PCDHGA3: variants seen among roughly 807,000 people sequenced by gnomAD.
The protein encoded by PCDHGA3 is protocadherin gamma subfamily A, 3, also known as protocadherin gamma-A3.
In PCDHGA3, 40 loss-of-function variants were observed where a neutral mutation model predicts 58.5. The ratio of observed to expected loss-of-function variants is 0.68; its 90% CI spans 0.53 to 0.89. The LOEUF (loss-of-function observed/expected upper bound fraction) is 0.89. Among genes scored for constraint, PCDHGA3 ranks in the 40% least tolerant of loss-of-function variants. The pLI is 0.00. For synonymous variants in PCDHGA3, 530 were observed against 525.7 expected (o/e 1.01, Z -0.11); for missense variants, 1,223 against 1,195.9 (o/e 1.02, Z -0.33).
chr5:141,387,177 T>C (rs989484840), intron 1 of PCDHGA3, among the ~76,000 whole-genome samples: 2 of 152,184 alleles, frequency 1.3e-5, no homozygotes, highest in Non-Finnish European at 2.9e-5. Context: ...AATTGCACCT[T>C]CTAAAAGGCA....
At chr5:141,419,617 C>G (rs780077182) in intron 1 of PCDHGA3, 1 of 1,612,280 alleles carries the variant, frequency 6.2e-7, no homozygotes. Flanking sequence ...AGCCAGGCTA[C>G]CTGGTGACCA....
At chr5:141,478,118 G>C in intron 1 of PCDHGA3, 2 of 1,614,048 alleles carry the variant, frequency 1.2e-6, no homozygotes, top group African/African-American at 1.3e-5. Context: ...GTCAGTAACC[G>C]AGGACTCTCC....
chr5:141,413,111 AG>A lies in PCDHGA3; in HGVS notation c.2424+66656del, dbSNP rs962952666. ...ACACCCTGAAGCCACAGAAAGACAA[AG>A]GAACCGGTTGAAACACACAACGTGT... On this transcript the variant is annotated intron_variant, in intron 1 of 3. Transcript: ENST00000253812. 4.7e-6 allele frequency: 7 copies of A among 1,499,852 alleles called. No individual in the cohort carries two copies. In the African/African-American group the frequency reaches 8.4e-5, roughly 18 times the overall value. 92.9% of individuals were successfully genotyped at this position (1,499,852 alleles called of 1,614,324 possible). A position where few individuals can be genotyped will look rare whatever the true frequency, so the allele number is the denominator to read the frequency against.
intron 1 of PCDHGA3, among the ~76,000 whole-genome samples, chr5:141,436,328 A>G (rs146180035): frequency 6.6e-6 from 1 of 152,326 alleles, no homozygotes; most frequent in East Asian, 1.9e-4. Flanking sequence ...CTGTTAGACC[A>G]TATCTCAAAT....
rs946798767 is a variant in PCDHGA3 at position 141,438,591 on chromosome 5, C to CATATAT, written c.2425-56176_2425-56171dup. Among the ~76,000 whole-genome samples the CATATAT allele has an allele frequency of 1.5e-3, 111 of 75,470 alleles. 1 individual carries two copies. Among genetic ancestry groups the CATATAT allele is most frequent in the Non-Finnish European group, 2.3e-3 (84 of 37,244 alleles). 49.5% of individuals were successfully genotyped at this position (75,470 alleles called of 152,430 possible). A position where few individuals can be genotyped will look rare whatever the true frequency, so the allele number is the denominator to read the frequency against. ...TCTGATATACATACATACATACATA[C>CATATAT]ATATATATATATATATATATATATA... On this transcript the variant is annotated intron_variant, in intron 1 of 3. Transcript: ENST00000253812.
At chr5:141,421,702 A>G (rs2096594027) in intron 1 of PCDHGA3, 1 of 1,613,950 alleles carries the variant, frequency 6.2e-7, no homozygotes, top group Non-Finnish European at 8.5e-7. Context: ...TCCTAATGCT[A>G]GGGATCCAGA....
At chr5:141,355,864 C>G (rs749145164) in intron 1 of PCDHGA3, 3 of 1,612,452 alleles carry the variant, frequency 1.9e-6, no homozygotes, top group Non-Finnish European at 2.5e-6. Flanking sequence ...TGACCCGGTT[C>G]GCTCTGGCAC....
intron 1 of PCDHGA3, chr5:141,364,421 A>T (rs1290592441): frequency 1.2e-6 from 2 of 1,613,602 alleles, no homozygotes; most frequent in Admixed American, 3.3e-5. Flanking sequence ...ATCCGGGCAG[A>T]TCCGCTACTC....
Position 141,490,348 on chromosome 5 carries a change from G to T in PCDHGA3, c.2425-4459G>T, listed in dbSNP as rs2099698964. On this transcript the variant is annotated intron_variant, in intron 1 of 3. Transcript: ENST00000253812. The surrounding 1 kb of genome is among the most constrained non-coding windows in gnomAD (Gnocchi z 5.4). ...GAGCACACCAGTGGGCACAGTAGTG[G>T]GGTTGTTTAATGTGCGAGACCGGGA... The T allele has an allele frequency of 1.2e-6, 2 of 1,614,080 alleles. No homozygotes were observed. The highest frequency in any genetic ancestry group is 3.3e-5 in the Admixed American group (2 of 60,018).
intron 1 of PCDHGA3, chr5:141,357,469 G>C: frequency 6.2e-7 from 1 of 1,614,176 alleles, no homozygotes; most frequent in African/African-American, 1.3e-5. Flanking sequence ...TTCCCACGAG[G>C]TCTCCCTCAC....
rs575695102 is a variant in PCDHGA3 at position 141,421,063 on chromosome 5, G to C, written c.2425-73744G>C. 16 of 581,866 alleles carry C rather than the reference G, an allele frequency of 2.7e-5. No individual in the cohort carries two copies. The African/African-American group carries it at 2.9e-4, about 10-fold the overall frequency. 36.0% of individuals were successfully genotyped at this position (581,866 alleles called of 1,614,324 possible). A position where few individuals can be genotyped will look rare whatever the true frequency, so the allele number is the denominator to read the frequency against. ...CTCCCCCGCCTCTACCACACAAAGC[G>C]GAATGAGATGGATACTCACAGATCC... On this transcript the variant is annotated intron_variant, in intron 1 of 3. Coordinates refer to ENST00000253812, the MANE Select transcript of PCDHGA3 (RefSeq NM_018916.4).
chr5:141,358,858 G>C (rs1269270385), intron 1 of PCDHGA3, among the ~76,000 whole-genome samples: 2 of 152,182 alleles, frequency 1.3e-5, no homozygotes, highest in Admixed American at 6.5e-5. Context: ...ATTGCTTTCA[G>C]ATATTTCTGT....
At chr5:141,404,387 C>G in intron 1 of PCDHGA3, 3 of 1,613,874 alleles carry the variant, frequency 1.9e-6, no homozygotes, top group Non-Finnish European at 2.5e-6. Context: ...TGCCTATGAC[C>G]CTGATAGCAA....
intron 1 of PCDHGA3, chr5:141,415,739 G>GGT (rs2095908308): frequency 2.3e-6 from 1 of 434,538 alleles, no homozygotes; most frequent in East Asian, 5.9e-5. Context: ...TGTTTATTAA[G>GGT]GTTTTTTTTT....
chr5:141,446,275 A>G (rs1229842331), intron 1 of PCDHGA3, among the ~76,000 whole-genome samples: 1 of 152,156 alleles, frequency 6.6e-6, no homozygotes, highest in African/African-American at 2.4e-5. Flanking sequence ...GAATAAATAC[A>G]ATGGATAAAT....
At chr5:141,379,666 A>C (rs1254771519) in intron 1 of PCDHGA3, 1 of 152,160 alleles carries the variant, frequency 6.6e-6, no homozygotes, top group East Asian at 1.9e-4. Context: ...CTCTCACAAA[A>C]GTCATTCACT....
At chr5:141,355,887 C>T (rs759390436) in intron 1 of PCDHGA3, 1 of 1,613,492 alleles carries the variant, frequency 6.2e-7, no homozygotes, top group Non-Finnish European at 8.5e-7. Flanking sequence ...CCAGGATTCT[C>T]ATAATACTTG....
chr5:141,362,432 A>T, intron 1 of PCDHGA3: 1 of 1,613,924 alleles, frequency 6.2e-7, no homozygotes, highest in South Asian at 1.1e-5. Flanking sequence ...ACAGAGTTCA[A>T]TTTTCTGAAC....
At chr5:141,354,250 C>T (rs1389170911) in intron 1 of PCDHGA3, among the ~76,000 whole-genome samples, 1 of 152,000 alleles carries the variant, frequency 6.6e-6, no homozygotes, top group Non-Finnish European at 1.5e-5. Context: ...GTTATTTACC[C>T]ATTGTTTTAG....
Sources: gnomAD v4.1 joint callset for allele counts (sites outside exome capture counted in the v4.1 genomes callset) on GRCh38, gnomAD v4.1.1 for gene constraint, Gnocchi (gnomAD v3.1) non-coding constraint, MANE v1.5 for transcripts, NCBI Gene and HGNC (gene_info 2026-07-23, HGNC 2026-07-21) for gene names.